BRCA1: variants seen among roughly 807,000 people sequenced by gnomAD.
BRCA1 encodes BRCA1 DNA repair associated.
In BRCA1, 140 loss-of-function variants were observed where a neutral mutation model predicts 173.7. The ratio of observed to expected loss-of-function variants is 0.81; its 90% CI spans 0.70 to 0.93. The LOEUF (loss-of-function observed/expected upper bound fraction) is 0.93, where lower values mean the gene tolerates loss of function less well. Among genes scored for constraint, BRCA1 ranks in the 40% least tolerant of loss-of-function variants. The probability of loss-of-function intolerance (pLI) is 0.00; values close to 1 mark genes in which losing one functional copy is unlikely to be tolerated. For synonymous variants in BRCA1, 662 were observed against 756.0 expected, an observed-to-expected ratio of 0.88 and a Z score of 2.04; for missense variants, 1,983 against 2,172.5, an observed-to-expected ratio of 0.91 and a Z score of 1.73.
intron 1 of BRCA1, among the ~76,000 whole-genome samples, chr17:43,149,116 C>CG (rs1567832649): frequency 6.6e-6 from 1 of 151,586 alleles, no homozygotes; most frequent in Non-Finnish European, 1.5e-5. Context: ...TTTTCCCCCC[C>CG]GAGACAGAGT....
In BRCA1 at chr17:43,045,153, A is replaced by G. The variant is rs1016922361; in HGVS notation, c.*525T>C. On this transcript the variant is annotated 3_prime_UTR_variant, in exon 23 of 23. Coordinates refer to ENST00000357654, the MANE Select transcript of BRCA1 (RefSeq NM_007294.4). ...TACCTGCCTCAGAATTTCCTCCCCA[A>G]TGTTCCACTCCAACATTTGAGAACT... The G allele has an allele frequency of 2.1e-5, 11 of 534,846 alleles. No individual in the cohort carries two copies. Among genetic ancestry groups the G allele is most frequent in the Admixed American group, 2.0e-4 (9 of 45,044 alleles). The allele number at this position is 534,846 out of a possible 1,614,324, so 33.1% of individuals were successfully genotyped here. A position where few individuals can be genotyped will look rare whatever the true frequency, so the allele number is the denominator to read the frequency against.
intron 11 of BRCA1, among the ~76,000 whole-genome samples, chr17:43,090,725 GT>G (rs2053418158): frequency 6.6e-6 from 1 of 152,204 alleles, no homozygotes; most frequent in African/African-American, 2.4e-5. Context: ...GGCAGTGTAT[GT>G]GTAGGCTGTG....
intron 2 of BRCA1, among the ~76,000 whole-genome samples, chr17:43,118,909 G>A (rs1015098829): frequency 7.9e-5 from 12 of 151,982 alleles, no homozygotes; most frequent in African/African-American, 1.9e-4. Flanking sequence ...GACTACAGGC[G>A]CGTGCTGCCA....
chr17:43,127,000 A>G (rs2055897967), upstream of BRCA1, among the ~76,000 whole-genome samples: 1 of 152,130 alleles, frequency 6.6e-6, no homozygotes, highest in African/African-American at 2.4e-5. Context: ...GTCCCCCAGC[A>G]CTGCCGGCCC....
At chr17:43,106,137 A>G (rs2054751231) in intron 4 of BRCA1, among the ~76,000 whole-genome samples, 1 of 151,152 alleles carries the variant, frequency 6.6e-6, no homozygotes, top group African/African-American at 2.4e-5. Flanking sequence ...AAAAAAAAAG[A>G]AAAGGAAACA....
chr17:43,102,357 C>CTTTTTTTTTTTTT lies in BRCA1; in HGVS notation c.441+1752_441+1764dup, dbSNP rs35584960. Among the ~76,000 whole-genome samples the CTTTTTTTTTTTTT allele has an allele frequency of 2.6e-4, 24 of 93,206 alleles. 2 individuals are homozygous for CTTTTTTTTTTTTT. The highest frequency in any genetic ancestry group is 4.0e-4 in the Non-Finnish European group (20 of 49,748). 61.1% of individuals were successfully genotyped at this position (93,206 alleles called of 152,430 possible). On this transcript the variant is annotated intron_variant, in intron 6 of 22. Transcript: ENST00000357654. ...AAGTGCTGGGATTACAGGCGTGAAG[C>CTTTTTTTTTTTTT]TTTTTTTTTTTTTTTTTTGAGACGG...
upstream of BRCA1, among the ~76,000 whole-genome samples, chr17:43,127,142 C>T (rs754407454): frequency 5.2e-4 from 79 of 152,344 alleles, no homozygotes; most frequent in Non-Finnish European, 9.4e-4. Flanking sequence ...GCCTCCCCGA[C>T]GGGCACCGCC....
At chr17:43,131,864 A>T (rs2055969275) in intron 1 of BRCA1, among the ~76,000 whole-genome samples, 2 of 151,734 alleles carry the variant, frequency 1.3e-5, no homozygotes, top group South Asian at 4.2e-4. Flanking sequence ...GCTCACTGCA[A>T]CCTCTGCTTC....
intron 2 of BRCA1, among the ~76,000 whole-genome samples, chr17:43,117,910 G>A (rs2055368490): frequency 6.6e-6 from 1 of 152,156 alleles, no homozygotes; most frequent in Non-Finnish European, 1.5e-5. Flanking sequence ...TATTCTAGGA[G>A]ATAGAAATGT....
chr17:43,147,258 C>T (rs563808095), intron 1 of BRCA1, among the ~76,000 whole-genome samples: 202 of 152,270 alleles, frequency 1.3e-3, no homozygotes, highest in African/African-American at 3.6e-3. Context: ...GGCACGATCT[C>T]GGCTCACGGC....
intron 1 of BRCA1, chr17:43,166,686 T>G (rs2056270706): frequency 6.6e-6 from 1 of 152,050 alleles, no homozygotes; most frequent in Non-Finnish European, 1.5e-5. Context: ...CACACACAGT[T>G]TTGCAGTTTG....
At chr17:43,131,787 T>C (rs1270271498) in intron 1 of BRCA1, among the ~76,000 whole-genome samples, 2 of 152,230 alleles carry the variant, frequency 1.3e-5, no homozygotes. Flanking sequence ...TTTGCTTTGC[T>C]TTTCTTTTTG....
intron 1 of BRCA1, among the ~76,000 whole-genome samples, chr17:43,155,544 G>T (rs1308901902): frequency 6.6e-6 from 1 of 151,478 alleles, no homozygotes; most frequent in African/African-American, 2.4e-5. Flanking sequence ...CTTTTTTTGG[G>T]GGGAGATGGA....
intron 13 of BRCA1, 71 bp downstream of exon 13, chr17:43,076,417 A>C (rs975503965): frequency 4.1e-5 from 65 of 1,581,662 alleles, no homozygotes; most frequent in Non-Finnish European, 5.6e-5. Context: ...TGGTGAAAAA[A>C]ATTAACAATC....
At position 43,094,157 on chromosome 17, in the gene BRCA1, G is replaced by A. The variant is rs879253999; in HGVS notation, c.1374C>T (p.Asp458=). ...HSKSVESNIE[D]KIFGKTYRKK... ...TCCGATAGGTTTTCCCAAATATTTTGTCTTCAATATTACTCTCTACTGATT... is the reference window on the plus strand; with the variant it reads ...TCCGATAGGTTTTCCCAAATATTTTATCTTCAATATTACTCTCTACTGATT... The change falls in exon 10 of 23, where the codon GAC becomes GAT. Residue 458 remains aspartate, a synonymous_variant. Transcript: ENST00000357654. The A allele has an allele frequency of 1.2e-6, 2 of 1,613,946 alleles. No individual in the cohort carries two copies. The highest frequency in any genetic ancestry group is 2.2e-5 in the East Asian group (1 of 44,876).
At chr17:43,149,398 C>T (rs2056146060) in intron 1 of BRCA1, among the ~76,000 whole-genome samples, 1 of 151,780 alleles carries the variant, frequency 6.6e-6, no homozygotes, top group South Asian at 2.1e-4. Context: ...CCATGCCCAG[C>T]CAATTTTTGT....
chr17:43,155,282 G>C (rs1210582361), intron 1 of BRCA1, among the ~76,000 whole-genome samples: 1 of 152,068 alleles, frequency 6.6e-6, no homozygotes, highest in East Asian at 1.9e-4. Context: ...TGATTCTCCT[G>C]CCTCAGCCTC....
intron 11 of BRCA1, among the ~76,000 whole-genome samples, chr17:43,089,838 C>T (rs1209268875): frequency 2.0e-5 from 3 of 151,722 alleles, no homozygotes; most frequent in African/African-American, 7.2e-5. Flanking sequence ...GAGATGTTGT[C>T]TCTAGTAAAA....
At chr17:43,168,623 G>A (rs1470481674) in intron 1 of BRCA1, among the ~76,000 whole-genome samples, 1 of 152,202 alleles carries the variant, frequency 6.6e-6, no homozygotes, top group Non-Finnish European at 1.5e-5. Context: ...TGGGCAACAA[G>A]AGCGAAGCTC....
Sources: allele counts gnomAD v4.1 joint callset (sites outside exome capture counted in the v4.1 genomes callset), GRCh38; gene constraint gnomAD v4.1.1; transcripts MANE v1.5; gene names NCBI Gene and HGNC (gene_info 2026-07-23, HGNC 2026-07-21).